TRIM2: variants seen among roughly 807,000 people sequenced by gnomAD.
TRIM2 encodes the protein tripartite motif-containing protein 2.
A neutral mutation model predicts 75.2 loss-of-function variants in TRIM2; 20 were observed. That is an observed-to-expected ratio of 0.27 (90% CI 0.19 to 0.39). The LOEUF (loss-of-function observed/expected upper bound fraction) is 0.39, where lower values mean the gene tolerates loss of function less well. TRIM2 is among the 10% of genes least tolerant of loss of function. TRIM2 has a pLI of 1.00. For synonymous variants in TRIM2, 373 were observed against 388.3 expected (o/e 0.96, Z 0.46); for missense variants, 660 against 990.8 (o/e 0.67, Z 4.48).
At chr4:153,169,238 G>A (rs887540868) in intron 1 of TRIM2, among the ~76,000 whole-genome samples, 22 of 152,200 alleles carry the variant, frequency 1.4e-4, no homozygotes, top group Admixed American at 1.3e-3. Context: ...TTGAAGAGTG[G>A]AGAGGCTGTT....
chr4:153,257,369 T>A, intron 1 of TRIM2: 1 of 1,114,338 alleles, frequency 9.0e-7, no homozygotes, highest in South Asian at 2.1e-5. Context: ...CTTGCCTGGT[T>A]TGCTGCAGTC....
At chr4:153,167,214 C>T (rs536323179) in intron 1 of TRIM2, among the ~76,000 whole-genome samples, 24 of 152,314 alleles carry the variant, frequency 1.6e-4, no homozygotes, top group Admixed American at 4.6e-4. Flanking sequence ...CTTTTCTTCA[C>T]GGTCTATTAG....
rs1225265300 is a variant in TRIM2 at position 153,295,520 on chromosome 4, A to T, written c.994A>T (p.Thr332Ser). The T allele has an allele frequency of 3.7e-6, 6 of 1,613,954 alleles. No homozygotes were observed. Among genetic ancestry groups the T allele is most frequent in the Non-Finnish European group, 5.1e-6 (6 of 1,179,968 alleles). Reference sequence around the variant, plus strand: ...CGACCAGCTGGATTTCATCGTGGAAACCGAGGGGCTGAAGAAGTCCATCCA... The same window carrying T: ...CGACCAGCTGGATTTCATCGTGGAATCCGAGGGGCTGAAGAAGTCCATCCA... ...ENDQLDFIVE[T>S]EGLKKSIHNL... The change falls in exon 6 of 12, where the codon ACC becomes TCC. Residue 332 changes from threonine (T) to serine (S), a missense_variant. Coordinates refer to ENST00000338700, the MANE Select transcript of TRIM2 (RefSeq NM_015271.5). The surrounding 1 kb of genome is among the most constrained non-coding windows in gnomAD (Gnocchi z 7.2).
chr4:153,299,146 T>A (rs927503748), intron 6 of TRIM2, among the ~76,000 whole-genome samples: 3 of 152,194 alleles, frequency 2.0e-5, no homozygotes, highest in Admixed American at 6.5e-5. Flanking sequence ...CCAGTCCTTT[T>A]ACCCCCACCC....
chr4:153,187,878 C>G (rs564984122), intron 1 of TRIM2, among the ~76,000 whole-genome samples: 1 of 152,200 alleles, frequency 6.6e-6, no homozygotes, highest in Non-Finnish European at 1.5e-5. Flanking sequence ...CAGCTTCAGA[C>G]GTCCGCCAAG....
At chr4:153,159,096 A>G (rs1472675312) in intron 1 of TRIM2, among the ~76,000 whole-genome samples, 2 of 152,148 alleles carry the variant, frequency 1.3e-5, no homozygotes, top group Admixed American at 6.5e-5. Context: ...GGCACTGTTC[A>G]TTGCATACAG....
At chr4:153,182,512 C>T (rs547543183) in intron 1 of TRIM2, among the ~76,000 whole-genome samples, 1 of 152,134 alleles carries the variant, frequency 6.6e-6, no homozygotes, top group African/African-American at 2.4e-5. Context: ...ATAGTACACA[C>T]CCCATGGGAT....
At position 153,328,619 on chromosome 4, in the gene TRIM2, G is replaced by T; in HGVS notation, c.2112G>T (p.Val704=). Residue 704 remains valine, a synonymous_variant, in exon 11 of 12, where the codon GTG becomes GTT. Transcript: ENST00000338700. ...GQFNAPTGVA[V]DSNGNIIVAD... ...TTAATGCTCCAACAGGTGTAGCAGTGGATTCAAATGGAAACATCATTGTGG... is the reference window on the plus strand; with the variant it reads ...TTAATGCTCCAACAGGTGTAGCAGTTGATTCAAATGGAAACATCATTGTGG... The T allele has an allele frequency of 6.2e-7, 1 of 1,611,590 alleles. No homozygotes were observed.
chr4:153,239,836 T>TTC (rs1198035187), intron 1 of TRIM2, among the ~76,000 whole-genome samples: 1 of 123,618 alleles, frequency 8.1e-6, no homozygotes, highest in Non-Finnish European at 1.6e-5. Context: ...TTCTTTCTCT[T>TTC]TTTTTTTTTT....
At chr4:153,197,637 C>A (rs900593396) in intron 1 of TRIM2, among the ~76,000 whole-genome samples, 55 of 151,988 alleles carry the variant, frequency 3.6e-4, no homozygotes, top group African/African-American at 1.3e-3. Flanking sequence ...TATGGGAGGC[C>A]GAGGCGGGTG....
chr4:153,246,403 C>T (rs1177402407), intron 1 of TRIM2, among the ~76,000 whole-genome samples: 1 of 152,150 alleles, frequency 6.6e-6, no homozygotes, highest in African/African-American at 2.4e-5. Flanking sequence ...CACAGAACAC[C>T]AACATGCCTG....
At chr4:153,174,852 C>T (rs80002342) in intron 1 of TRIM2, among the ~76,000 whole-genome samples, 1,744 of 152,262 alleles carry the variant, frequency 0.011, 32 homozygotes, top group African/African-American at 0.041. Context: ...TCTCCTCAGC[C>T]ATCTTTATCA....
Position 153,335,236 on chromosome 4 carries a change from G to A in TRIM2, c.*270G>A. 4.5e-6 allele frequency: 5 copies of A among 1,122,566 alleles called. No individual in the cohort carries two copies. The highest frequency in any genetic ancestry group is 5.4e-6 in the Non-Finnish European group (5 of 918,906). 69.5% of individuals were successfully genotyped at this position (1,122,566 alleles called of 1,614,324 possible). A position where few individuals can be genotyped will look rare whatever the true frequency, so the allele number is the denominator to read the frequency against. On this transcript the variant is annotated 3_prime_UTR_variant, in exon 12 of 12. Transcript: ENST00000338700. ...CTATGGCTTAAGGGACAGGATTTAT[G>A]TAGCTAAACTAATTTTGCAAATCAA...
chr4:153,301,401 G>C (rs901760184), intron 6 of TRIM2, among the ~76,000 whole-genome samples: 6 of 152,022 alleles, frequency 3.9e-5, no homozygotes, highest in African/African-American at 4.8e-5. Context: ...GTGTATTTTA[G>C]ATATTAACCT....
chr4:153,319,692 T>C (rs1434260006), intron 8 of TRIM2, among the ~76,000 whole-genome samples: 1 of 151,944 alleles, frequency 6.6e-6, no homozygotes, highest in African/African-American at 2.4e-5. Context: ...ATTGCGCCAT[T>C]GCACTCCAGC....
At chr4:153,281,405 G>T (rs1468386850) in intron 3 of TRIM2, among the ~76,000 whole-genome samples, 1 of 152,214 alleles carries the variant, frequency 6.6e-6, no homozygotes, top group Non-Finnish European at 1.5e-5. Context: ...ACATTAGGGG[G>T]CAAGAATGCT....
chr4:153,198,687 T>C (rs1220258314), intron 1 of TRIM2, among the ~76,000 whole-genome samples: 1 of 152,252 alleles, frequency 6.6e-6, no homozygotes, highest in African/African-American at 2.4e-5. Context: ...TATATCATTT[T>C]TTTAAAAATC....
At chr4:153,152,287 G>T (rs1005659441), upstream of TRIM2, 22 of 152,024 alleles carry the variant, frequency 1.4e-4, no homozygotes, top group African/African-American at 4.1e-4. Flanking sequence ...AGGCAGGTGC[G>T]GCTGGCTGGG....
intron 6 of TRIM2, among the ~76,000 whole-genome samples, chr4:153,297,065 A>G (rs1273143128): frequency 6.6e-6 from 1 of 152,226 alleles, no homozygotes. Context: ...AGAGGGATAG[A>G]TAACAGGCAG....
Sources: allele counts gnomAD v4.1 joint callset (sites outside exome capture counted in the v4.1 genomes callset), GRCh38; gene constraint gnomAD v4.1.1; non-coding constraint Gnocchi (gnomAD v3.1); transcripts MANE v1.5; gene names NCBI Gene and HGNC (gene_info 2026-07-23, HGNC 2026-07-21).